ZSWIM6: variants seen among roughly 807,000 people sequenced by gnomAD.
ZSWIM6 encodes the protein zinc finger SWIM domain-containing protein 6.
In ZSWIM6, 9 loss-of-function variants were observed where a neutral mutation model predicts 113.2. The ratio of observed to expected loss-of-function variants is 0.08; its 90% confidence interval spans 0.05 to 0.14. The LOEUF is 0.14. Ranked by LOEUF, ZSWIM6 falls within the 10% of genes least tolerant of loss-of-function variation. The pLI is 1.00. For missense variants in ZSWIM6, 1,162 were observed against 1,552.2 expected (o/e 0.75, Z 4.22); for synonymous variants, 611 against 606.5 (o/e 1.01, Z -0.11).
At chr5:61,497,459 A>G (rs1748354274) in intron 4 of ZSWIM6, among the ~76,000 whole-genome samples, 1 of 152,172 alleles carries the variant, frequency 6.6e-6, no homozygotes, top group East Asian at 1.9e-4. Context: ...TAACAAAGGG[A>G]CTGATTATTC....
At chr5:61,528,820 T>G (rs1245234062) in intron 7 of ZSWIM6, among the ~76,000 whole-genome samples, 1 of 152,158 alleles carries the variant, frequency 6.6e-6, no homozygotes, top group Non-Finnish European at 1.5e-5. Context: ...ACTCCTGACC[T>G]CGGGTGATCC....
At chr5:61,469,212 A>G (rs1319783543) in intron 1 of ZSWIM6, among the ~76,000 whole-genome samples, 1 of 152,256 alleles carries the variant, frequency 6.6e-6, no homozygotes, top group Non-Finnish European at 1.5e-5. Flanking sequence ...ATCTGCAGTT[A>G]TCTGTTAGAG....
At chr5:61,455,643 C>T (rs533517761) in intron 1 of ZSWIM6, among the ~76,000 whole-genome samples, 25 of 152,114 alleles carry the variant, frequency 1.6e-4, no homozygotes, top group African/African-American at 3.6e-4. Flanking sequence ...ACTTGGCTAG[C>T]GGGGCAGTGC....
intron 1 of ZSWIM6, among the ~76,000 whole-genome samples, chr5:61,442,380 G>T (rs1010558293): frequency 1.3e-5 from 2 of 152,132 alleles, no homozygotes; most frequent in Admixed American, 1.3e-4. Flanking sequence ...AATCTGTCTT[G>T]TCAGTCTTTC....
chr5:61,402,649 T>C (rs1053549510), intron 1 of ZSWIM6, among the ~76,000 whole-genome samples: 8 of 152,210 alleles, frequency 5.3e-5, no homozygotes, highest in Non-Finnish European at 1.0e-4. Flanking sequence ...ATTACAGTGC[T>C]TTAGGGCTAA....
At chr5:61,374,191 T>A (rs1266504821) in intron 1 of ZSWIM6, among the ~76,000 whole-genome samples, 2 of 152,236 alleles carry the variant, frequency 1.3e-5, no homozygotes, top group Non-Finnish European at 2.9e-5. Context: ...AGGGGTGATA[T>A]GTTCAAAAGA....
intron 1 of ZSWIM6, among the ~76,000 whole-genome samples, chr5:61,460,518 G>A (rs1009295294): frequency 3.9e-5 from 6 of 152,038 alleles, no homozygotes; most frequent in Non-Finnish European, 8.8e-5. Context: ...ACATGGCTTC[G>A]GAAATGGGGT....
chr5:61,478,177 A>G (rs1449027369), intron 2 of ZSWIM6, among the ~76,000 whole-genome samples: 2 of 152,252 alleles, frequency 1.3e-5, no homozygotes, highest in African/African-American at 2.4e-5. Flanking sequence ...CTGATGGTCT[A>G]TATAATTAGC....
chr5:61,368,185 A>G (rs1421928113), intron 1 of ZSWIM6, among the ~76,000 whole-genome samples: 1 of 152,122 alleles, frequency 6.6e-6, no homozygotes, highest in Non-Finnish European at 1.5e-5. Flanking sequence ...GTGAGATTTC[A>G]TGTTTAAATA....
intron 4 of ZSWIM6, among the ~76,000 whole-genome samples, chr5:61,520,221 G>A (rs1422476418): frequency 6.6e-6 from 1 of 152,162 alleles, no homozygotes; most frequent in African/African-American, 2.4e-5. Flanking sequence ...CCATTATTAT[G>A]CATTTAACAA....
rs1181258391 is a variant in ZSWIM6, at chr5:61,539,876, A to G, written c.2703+117A>G. 4 of 1,008,402 alleles carry G rather than the reference A, an allele frequency of 4.0e-6. No individual in the cohort carries two copies. The East Asian group carries it at 7.8e-5, about 20-fold the overall frequency. 62.5% of individuals were successfully genotyped at this position (1,008,402 alleles called of 1,614,324 possible). On this transcript the variant is annotated intron_variant, in intron 12 of 13. Coordinates refer to ENST00000252744, the MANE Select transcript of ZSWIM6 (RefSeq NM_020928.2). ...CAGGTAAATGACTCTTTGGAGTACA[A>G]ATCTGTTAGACTTCAGGAGAGAACT... is the stretch of plus-strand genomic sequence containing the variant.
chr5:61,434,440 A>AT (rs1554034903), intron 1 of ZSWIM6, among the ~76,000 whole-genome samples: 2 of 147,604 alleles, frequency 1.4e-5, no homozygotes, highest in African/African-American at 5.0e-5. Flanking sequence ...TTTATCCCTC[A>AT]CCCCCCTTTC....
chr5:61,354,297 T>G (rs1371148696), intron 1 of ZSWIM6, among the ~76,000 whole-genome samples: 1 of 152,168 alleles, frequency 6.6e-6, no homozygotes, highest in Non-Finnish European at 1.5e-5. Context: ...TCACCATAAT[T>G]TTAGCACTTT....
intron 1 of ZSWIM6, among the ~76,000 whole-genome samples, chr5:61,429,286 A>T (rs1355810219): frequency 6.6e-6 from 1 of 152,230 alleles, no homozygotes; most frequent in Non-Finnish European, 1.5e-5. Context: ...CTTTTGTATT[A>T]AAATTTACCT....
chr5:61,456,435 G>T (rs887219894), intron 1 of ZSWIM6, among the ~76,000 whole-genome samples: 1 of 152,012 alleles, frequency 6.6e-6, no homozygotes, highest in Non-Finnish European at 1.5e-5. Flanking sequence ...TAATAGACCG[G>T]CAGAGGTGAC....
At chr5:61,456,898 T>C (rs994678714) in intron 1 of ZSWIM6, among the ~76,000 whole-genome samples, 3 of 127,328 alleles carry the variant, frequency 2.4e-5, no homozygotes, top group Non-Finnish European at 5.2e-5. Flanking sequence ...TTCTTTTTTT[T>C]TTTTCTTTTT....
At chr5:61,468,969 T>G (rs148939135) in intron 1 of ZSWIM6, among the ~76,000 whole-genome samples, 1 of 152,164 alleles carries the variant, frequency 6.6e-6, no homozygotes, top group African/African-American at 2.4e-5. Context: ...CTTCTCTACT[T>G]TAGCATGCTC....
At chr5:61,412,998 C>T (rs1746175632) in intron 1 of ZSWIM6, among the ~76,000 whole-genome samples, 1 of 148,530 alleles carries the variant, frequency 6.7e-6, no homozygotes, top group African/African-American at 2.5e-5. Flanking sequence ...TGTTTATTTT[C>T]TTTTTTTTTC....
chr5:61,471,936 G>C (rs944054582), intron 1 of ZSWIM6, among the ~76,000 whole-genome samples: 2 of 151,980 alleles, frequency 1.3e-5, no homozygotes, highest in Non-Finnish European at 2.9e-5. Context: ...ATTTGTGTGT[G>C]TGTGTGTGTG....
Sources: allele counts gnomAD v4.1 joint callset (sites outside exome capture counted in the v4.1 genomes callset), GRCh38; gene constraint gnomAD v4.1.1; transcripts MANE v1.5; gene names NCBI Gene and HGNC (gene_info 2026-07-23, HGNC 2026-07-21).